The following ZMYM2 variants were observed in gnomAD, a reference collection of about 807,000 sequenced individuals.
ZMYM2 encodes zinc finger MYM-type containing 2.
In ZMYM2, 56 loss-of-function variants were observed where a neutral mutation model predicts 162.8. The ratio of observed to expected loss-of-function variants is 0.34; its 90% CI spans 0.28 to 0.43. The LOEUF (loss-of-function observed/expected upper bound fraction) is 0.43, where lower values mean the gene tolerates loss of function less well. Among genes scored for constraint, ZMYM2 ranks in the 20% least tolerant of loss-of-function variants. The pLI, the probability that ZMYM2 is intolerant of heterozygous loss-of-function variation, is 1.00. For synonymous variants in ZMYM2, 510 were observed against 541.6 expected (o/e 0.94, Z 0.81); for missense variants, 1,275 against 1,621.8 (o/e 0.79, Z 3.67).
chr13:19,971,372 G>A (rs1432671667), intron 2 of ZMYM2, among the ~76,000 whole-genome samples: 2 of 149,078 alleles, frequency 1.3e-5, no homozygotes, highest in South Asian at 2.1e-4. Flanking sequence ...CGGGGTTGAA[G>A]CTAATCTCCT....
At chr13:20,039,903 A>G (rs1386564904) in intron 12 of ZMYM2, among the ~76,000 whole-genome samples, 5 of 152,198 alleles carry the variant, frequency 3.3e-5, no homozygotes, top group Non-Finnish European at 5.9e-5. Context: ...ATTTGCGTAT[A>G]TTGAACCAAA....
chr13:19,881,549 G>A, the ZMYM2 span, among the ~76,000 whole-genome samples: 1 of 152,022 alleles, frequency 6.6e-6, no homozygotes, highest in Non-Finnish European at 1.5e-5. Flanking sequence ...TTGAACCCAG[G>A]AGGAGGAGGT....
At chr13:19,958,280 C>G (rs982199166), upstream of ZMYM2, among the ~76,000 whole-genome samples, 1 of 152,156 alleles carries the variant, frequency 6.6e-6, no homozygotes, top group Admixed American at 6.5e-5. Context: ...CGGCTCTCCT[C>G]GGGCAGAGGC....
At chr13:19,916,799 CATGTATACAT>C in the ZMYM2 span, among the ~76,000 whole-genome samples, 2 of 152,018 alleles carry the variant, frequency 1.3e-5, no homozygotes, top group Non-Finnish European at 2.9e-5. Context: ...CAACAGGGCG[CATGTATACAT>C]ATGTAACAAA....
At chr13:19,967,920 G>A (rs1353503096) in intron 2 of ZMYM2, among the ~76,000 whole-genome samples, 1 of 152,170 alleles carries the variant, frequency 6.6e-6, no homozygotes, top group Non-Finnish European at 1.5e-5. Flanking sequence ...GAATTTCTAT[G>A]TTTCTCTTCA....
the ZMYM2 span, among the ~76,000 whole-genome samples, chr13:19,887,294 G>A: frequency 2.0e-5 from 3 of 151,556 alleles, no homozygotes; most frequent in Admixed American, 6.6e-5. Flanking sequence ...TTTGGGAGGC[G>A]GAGGCGGGTG....
upstream of ZMYM2, chr13:19,958,700 CG>C (rs1182738509): frequency 6.5e-6 from 1 of 154,404 alleles, no homozygotes; most frequent in Non-Finnish European, 1.4e-5. Flanking sequence ...TCCCCGGGCT[CG>C]GCCGCGCCGC....
chr13:20,080,619 C>T (rs1010732759), intron 21 of ZMYM2, among the ~76,000 whole-genome samples: 1 of 151,892 alleles, frequency 6.6e-6, no homozygotes, highest in African/African-American at 2.4e-5. Context: ...CCCGTCAAGT[C>T]GCTGGAGCTA....
intron 11 of ZMYM2, among the ~76,000 whole-genome samples, chr13:20,036,374 T>G (rs571801722): frequency 6.6e-6 from 1 of 152,254 alleles, no homozygotes; most frequent in East Asian, 1.9e-4. Flanking sequence ...CTCTCAGTAG[T>G]CTACATTGTT....
the ZMYM2 span, among the ~76,000 whole-genome samples, chr13:19,876,535 C>G: frequency 2.0e-5 from 3 of 151,940 alleles, no homozygotes; most frequent in East Asian, 5.8e-4. Context: ...TTTGGTCAGG[C>G]TGGTCCCAGA....
the ZMYM2 span, among the ~76,000 whole-genome samples, chr13:19,953,185 A>T: frequency 3.3e-5 from 5 of 152,188 alleles, no homozygotes; most frequent in Admixed American, 3.3e-4. Context: ...AGTCTTAGGT[A>T]TTCTGTTGTA....
chr13:20,066,705 T>C (rs1032198282), intron 19 of ZMYM2, 146 bp from the exon 20 acceptor site: 9 of 666,778 alleles, frequency 1.3e-5, no homozygotes, highest in African/African-American at 9.4e-5. Context: ...CAGAAAAACA[T>C]ACGTGTCCAA....
the ZMYM2 span, among the ~76,000 whole-genome samples, chr13:19,885,875 A>ATATACACACATATATGTGTG: frequency 3.1e-5 from 1 of 32,152 alleles, no homozygotes. Context: ...ATATATATGT[A>ATATACACACATATATGTGTG]TATACACATA....
the ZMYM2 span, among the ~76,000 whole-genome samples, chr13:19,951,881 G>C: frequency 1.3e-5 from 2 of 152,136 alleles, no homozygotes; most frequent in Non-Finnish European, 2.9e-5. Flanking sequence ...AATCCCGCTA[G>C]TGAGTATATA....
chr13:19,885,331 G>T, the ZMYM2 span, among the ~76,000 whole-genome samples: 5 of 152,204 alleles, frequency 3.3e-5, no homozygotes, highest in African/African-American at 1.2e-4. Context: ...CTTAAGCAGT[G>T]TTGCTTGTTT....
In ZMYM2 at chr13:20,036,880, T is replaced by C. The variant is rs1446630228; in HGVS notation, c.2263T>C (p.Cys755Arg). ...VVRDFCSEDC[C>R]KKFQDWYYKA... is the part of the protein sequence containing the mutation. The stretch of plus-strand genomic sequence containing the variant: ...GAGAGATTTCTGCAGTGAAGATTGC[T>C]GTAAAAAATTTCAGGATTGGTACTA... The change falls in exon 12 of 25, where the codon TGT becomes CGT. Residue 755 changes from cysteine (C) to arginine (R), a missense_variant. By Grantham distance (180) the Cys-to-Arg change is radical. Coordinates refer to ENST00000610343, the MANE Select transcript of ZMYM2 (RefSeq NM_197968.4). 6.2e-7 allele frequency: 1 copy of C among 1,609,676 alleles called. No homozygotes were observed. Among genetic ancestry groups the C allele is most frequent in the East Asian group, 2.2e-5 (1 of 44,652 alleles).
chr13:19,867,321 G>T, the ZMYM2 span, among the ~76,000 whole-genome samples: 3 of 149,854 alleles, frequency 2.0e-5, no homozygotes, highest in African/African-American at 7.4e-5. Flanking sequence ...TCGCACTCCA[G>T]CCTGGGCGAC....
chr13:19,936,366 A>G, the ZMYM2 span, among the ~76,000 whole-genome samples: 1 of 152,196 alleles, frequency 6.6e-6, no homozygotes, highest in African/African-American at 2.4e-5. Context: ...ATTTGTAAAC[A>G]TATTTTTAAA....
intron 21 of ZMYM2, among the ~76,000 whole-genome samples, chr13:20,075,911 GTC>G (rs1460259383): frequency 6.6e-6 from 1 of 151,724 alleles, no homozygotes; most frequent in Admixed American, 6.6e-5. Context: ...GGCCAGGCTG[GTC>G]TCAAACGCCT....
Sources: allele counts gnomAD v4.1 joint callset (sites outside exome capture counted in the v4.1 genomes callset), GRCh38; gene constraint gnomAD v4.1.1; transcripts MANE v1.5; gene names NCBI Gene and HGNC (gene_info 2026-07-23, HGNC 2026-07-21).